MASP1: variants seen among roughly 807,000 people sequenced by gnomAD.
MASP1 encodes the protein MBL associated serine protease 1.
Under a neutral mutation model 77.1 loss-of-function variants are expected in MASP1, and 59 were observed. That is an observed-to-expected ratio of 0.77 (90% confidence interval 0.62 to 0.95). MASP1 has a LOEUF of 0.95. MASP1 is among the 40% of genes least tolerant of loss of function. MASP1 has a pLI of 0.00. For synonymous variants in MASP1, 362 were observed against 354.5 expected (o/e 1.02, Z -0.24); for missense variants, 885 against 912.9 (o/e 0.97, Z 0.39).
At chr3:187,288,849 C>T (rs1254186452) in intron 1 of MASP1, among the ~76,000 whole-genome samples, 1 of 152,228 alleles carries the variant, frequency 6.6e-6, no homozygotes, top group African/African-American at 2.4e-5. Flanking sequence ...TGGTAGGCAA[C>T]TGGTCAGCGT....
chr3:187,228,536 C>G (rs1030792744), intron 11 of MASP1, among the ~76,000 whole-genome samples: 6 of 152,140 alleles, frequency 3.9e-5, no homozygotes, highest in Non-Finnish European at 7.3e-5. Context: ...ACCTCCTCCT[C>G]TTGTTGTATT....
At chr3:187,247,134 C>A (rs1046751553) in intron 8 of MASP1, 23 of 1,450,842 alleles carry the variant, frequency 1.6e-5, no homozygotes, top group Admixed American at 1.6e-4. Context: ...GAATGATGGG[C>A]AAACCCTCAA....
intron 2 of MASP1, among the ~76,000 whole-genome samples, chr3:187,279,243 A>G (rs970828209): frequency 5.9e-5 from 9 of 152,182 alleles, no homozygotes; most frequent in African/African-American, 1.9e-4. Context: ...TTACTGTAAA[A>G]TCAGCAATGG....
Position 187,260,741 on chromosome 3 carries a change from C to T in MASP1, c.547G>A (p.Val183Met). 1 of 1,614,156 alleles carries T rather than the reference C, an allele frequency of 6.2e-7. No homozygotes were observed. The highest frequency in any genetic ancestry group is 8.5e-7 in the Non-Finnish European group (1 of 1,180,026). The change falls in exon 4 of 11, where the codon GTG becomes ATG. Residue 183 changes from valine to methionine, a missense_variant and splice_region_variant. Transcript: ENST00000296280. ...ILHTDNRTCR[V>M]ECSDNLFTQR... ...GCATACAATCATTGGTAGGCTCTAC[C>T]TCGGCAGGTCCTGTTGTCTGTGTGG...
intron 11 of MASP1, among the ~76,000 whole-genome samples, chr3:187,228,410 C>T (rs1160710075): frequency 6.6e-6 from 1 of 152,132 alleles, no homozygotes; most frequent in Non-Finnish European, 1.5e-5. Flanking sequence ...CAGAGTCTTC[C>T]CTCCCTCTGC....
At chr3:187,265,367 G>A (rs1283281375) in intron 2 of MASP1, among the ~76,000 whole-genome samples, 1 of 152,148 alleles carries the variant, frequency 6.6e-6, no homozygotes. Context: ...GAGGGTCTGT[G>A]ATAAATGACC....
intron 13 of MASP1, among the ~76,000 whole-genome samples, chr3:187,224,999 C>G (rs1219711208): frequency 6.6e-6 from 1 of 152,226 alleles, no homozygotes; most frequent in Non-Finnish European, 1.5e-5. Flanking sequence ...TGGTTTCTTC[C>G]TGCAGGTACC....
chr3:187,280,377 C>A (rs1169135181), intron 2 of MASP1, among the ~76,000 whole-genome samples: 1 of 152,172 alleles, frequency 6.6e-6, no homozygotes, highest in Non-Finnish European at 1.5e-5. Context: ...AAAGAGAGTG[C>A]AATCCAAATG....
At chr3:187,220,216 G>T (rs1711958531) in exon 16 of MASP1, 1 of 1,614,178 alleles carries the variant, frequency 6.2e-7, no homozygotes, top group East Asian at 2.2e-5. Context: ...TCTATTCAGG[G>T]TCACCATGGG....
In MASP1 at chr3:187,243,744, A is replaced by C. The variant is rs527969077; in HGVS notation, c.1091-123T>G. Reference sequence around the variant, plus strand: ...GCACACAATTCCAGAAAGCAATGTTATAATGCCTCTGAAGGGCACCCCTGG... The same window carrying C: ...GCACACAATTCCAGAAAGCAATGTTCTAATGCCTCTGAAGGGCACCCCTGG... On this transcript the variant is annotated intron_variant, in intron 8 of 10. Coordinates refer to ENST00000296280, the MANE Select transcript of MASP1 (RefSeq NM_139125.4). 8.8e-5 allele frequency: 112 copies of C among 1,268,622 alleles called. 1 individual carries two copies. In the South Asian group the frequency reaches 1.3e-3, roughly 15 times the overall value. 78.6% of individuals were successfully genotyped at this position (1,268,622 alleles called of 1,614,324 possible).
At chr3:187,264,756 A>G (rs547072790) in intron 2 of MASP1, among the ~76,000 whole-genome samples, 2 of 152,280 alleles carry the variant, frequency 1.3e-5, no homozygotes, top group East Asian at 3.9e-4. Context: ...TATTTTTAAT[A>G]TGTTGTGAAT....
intron 8 of MASP1, chr3:187,243,950 C>T (rs772244946): frequency 1.3e-5 from 5 of 371,130 alleles, no homozygotes; most frequent in Non-Finnish European, 2.6e-5. Flanking sequence ...TCTTTTACTT[C>T]TAGTTTTATT....
chr3:187,247,463 A>T, intron 8 of MASP1: 2 of 1,532,050 alleles, frequency 1.3e-6, no homozygotes, highest in Non-Finnish European at 1.8e-6. Context: ...AAAGAGAGAG[A>T]GATTAGCAAG....
downstream of MASP1, among the ~76,000 whole-genome samples, chr3:187,229,582 G>T (rs1440689480): frequency 3.3e-5 from 5 of 152,152 alleles, no homozygotes; most frequent in Non-Finnish European, 7.4e-5. Flanking sequence ...CCCTGACTTT[G>T]TCCTTCCCGG....
rs1712958264 is a variant in MASP1 at position 187,234,349 on chromosome 3, A to G, written c.*1335T>C. On this transcript the variant is annotated 3_prime_UTR_variant, in exon 11 of 11. Transcript: ENST00000296280. ...GAGAGCTCCAGGGAGAAGGAGAACAATCAGCCCTGTGAGGGCCAGAGAGGC... is the reference window on the plus strand; with the variant it reads ...GAGAGCTCCAGGGAGAAGGAGAACAGTCAGCCCTGTGAGGGCCAGAGAGGC... 7.8e-7 allele frequency: 1 copy of G among 1,287,106 alleles called. No individual in the cohort carries two copies. Among genetic ancestry groups the G allele is most frequent in the Non-Finnish European group, 1.0e-6 (1 of 988,576 alleles). 79.7% of individuals were successfully genotyped at this position (1,287,106 alleles called of 1,614,324 possible).
intron 4 of MASP1, among the ~76,000 whole-genome samples, chr3:187,258,661 T>C (rs1037471843): frequency 6.6e-6 from 1 of 152,206 alleles, no homozygotes; most frequent in African/African-American, 2.4e-5. Flanking sequence ...CCTCTCTTTT[T>C]CTAAACTTAC....
At chr3:187,223,298 A>G in intron 13 of MASP1, 1 of 949,588 alleles carries the variant, frequency 1.1e-6, no homozygotes, top group Non-Finnish European at 1.7e-6. Context: ...GAAAGACTGG[A>G]TTGTTCTTCT....
chr3:187,243,421 G>C (rs1713820237), intron 9 of MASP1, 63 bp downstream of exon 9: 2 of 1,587,878 alleles, frequency 1.3e-6, no homozygotes, highest in Admixed American at 3.3e-5. Context: ...TCGGCCCCCA[G>C]TCCAACCCTG....
chr3:187,230,182 T>A (rs781457598), downstream of MASP1, among the ~76,000 whole-genome samples: 1 of 152,192 alleles, frequency 6.6e-6, no homozygotes, highest in African/African-American at 2.4e-5. Flanking sequence ...TGCTCAGAGA[T>A]GGGAATGTGA....
Sources: allele counts gnomAD v4.1 joint callset (sites outside exome capture counted in the v4.1 genomes callset), GRCh38; gene constraint gnomAD v4.1.1; transcripts MANE v1.5; gene names NCBI Gene and HGNC (gene_info 2026-07-23, HGNC 2026-07-21).